The following PARP15 variants were observed in gnomAD, a reference collection of about 807,000 sequenced individuals.
The protein encoded by PARP15 is poly(ADP-ribose) polymerase family member 15, also known as protein mono-ADP-ribosyltransferase PARP15.
In PARP15, 50 loss-of-function variants were observed where a neutral mutation model predicts 62.1. The ratio of observed to expected loss-of-function variants is 0.81; its 90% CI spans 0.64 to 1.02. The LOEUF is 1.02. Ranked by LOEUF, PARP15 falls within the 50% of genes least tolerant of loss-of-function variation. PARP15 has a pLI of 0.00. For missense variants in PARP15, 820 were observed against 826.5 expected, an observed-to-expected ratio of 0.99 and a Z score of 0.10; for synonymous variants, 309 against 293.1, an observed-to-expected ratio of 1.05 and a Z score of -0.55.
intron 1 of PARP15, among the ~76,000 whole-genome samples, chr3:122,593,367 C>T (rs946957343): frequency 3.3e-5 from 5 of 152,106 alleles, no homozygotes; most frequent in African/African-American, 1.2e-4. Context: ...GTCTCGAATT[C>T]CTGATCTCAA....
Position 122,579,999 on chromosome 3 carries a change from G to GTATATATGTATATATATA in PARP15, c.186+2153_186+2154insGTATATATATATATATAT, listed in dbSNP as rs1553725410. On this transcript the variant is annotated intron_variant, in intron 1 of 11. Transcript: ENST00000464300. The stretch of plus-strand genomic sequence containing the variant: ...GTCTGAACAACAACAGCAACTATAT[G>GTATATATGTATATATATA]TATATATATATATATATATATATAT... Among the ~76,000 whole-genome samples the GTATATATGTATATATATA allele has an allele frequency of 4.2e-4, 27 of 64,454 alleles. 1 individual carries two copies. Among genetic ancestry groups the GTATATATGTATATATATA allele is most frequent in the South Asian group, 1.2e-3 (2 of 1,614 alleles). The allele number at this position is 64,454 out of a possible 152,430, so 42.3% of individuals were successfully genotyped here.
At chr3:122,592,138 T>C (rs1198154638) in intron 1 of PARP15, among the ~76,000 whole-genome samples, 4 of 152,208 alleles carry the variant, frequency 2.6e-5, no homozygotes, top group Non-Finnish European at 5.9e-5. Context: ...GATACATGCA[T>C]ACATATGTTC....
At chr3:122,623,352 G>A (rs1010984823) in intron 8 of PARP15, among the ~76,000 whole-genome samples, 8 of 152,184 alleles carry the variant, frequency 5.3e-5, no homozygotes, top group African/African-American at 1.9e-4. Flanking sequence ...TTTTGGAACA[G>A]ATGCAAGACA....
intron 1 of PARP15, among the ~76,000 whole-genome samples, chr3:122,583,550 G>A (rs1459230713): frequency 9.9e-5 from 15 of 152,142 alleles, no homozygotes; most frequent in African/African-American, 3.6e-4. Context: ...ATTTCACCTT[G>A]TTGAGTCCTG....
chr3:122,635,270 G>C, intron 11 of PARP15, 76 bp downstream of exon 11: 1 of 1,355,450 alleles, frequency 7.4e-7, no homozygotes, highest in South Asian at 1.4e-5. Flanking sequence ...AAGCAGTGTG[G>C]AACCATGGTG....
intron 2 of PARP15, among the ~76,000 whole-genome samples, chr3:122,608,586 T>G (rs1042005427): frequency 6.6e-6 from 1 of 152,172 alleles, no homozygotes; most frequent in Non-Finnish European, 1.5e-5. Flanking sequence ...CCTGACCCAA[T>G]TATAGCCATT....
chr3:122,608,589 T>C (rs774185576), intron 2 of PARP15, among the ~76,000 whole-genome samples: 2 of 152,136 alleles, frequency 1.3e-5, no homozygotes, highest in African/African-American at 4.8e-5. Context: ...GACCCAATTA[T>C]AGCCATTCTT....
intron 9 of PARP15, among the ~76,000 whole-genome samples, chr3:122,629,241 C>A (rs571967690): frequency 2.0e-5 from 3 of 152,310 alleles, no homozygotes; most frequent in Admixed American, 2.0e-4. Context: ...TGGCTCACTG[C>A]AACCGCTGCC....
At chr3:122,624,332 T>C (rs114740530) in intron 8 of PARP15, among the ~76,000 whole-genome samples, 2,563 of 152,314 alleles carry the variant, frequency 0.017, 69 homozygotes, top group African/African-American at 0.059. Flanking sequence ...TCAAAGCTCA[T>C]GTATTCCTCA....
intron 3 of PARP15, 27 bp downstream of exon 3, chr3:122,610,757 G>A (rs373649664): frequency 1.4e-5 from 21 of 1,466,378 alleles, no homozygotes; most frequent in Middle Eastern, 1.8e-4. Flanking sequence ...GTTCTCCAAC[G>A]TATTGGGTGG....
intron 9 of PARP15, among the ~76,000 whole-genome samples, chr3:122,629,760 G>T (rs147957338): frequency 0.029 from 4,341 of 152,254 alleles, 95 homozygotes; most frequent in Non-Finnish European, 0.046. Flanking sequence ...ATCTGGGGGT[G>T]ATGGGAGACA....
rs1358466427 is a variant in PARP15, at chr3:122,615,450, T to G, written c.772-329T>G. On this transcript the variant is annotated intron_variant, in intron 4 of 11. Coordinates refer to ENST00000464300, the MANE Select transcript of PARP15 (RefSeq NM_001113523.3). ...CCTCAGCCTATTGGATGTAGGAGAT[T>G]AGAATTATGGGGCTTCAAAAGAGGA... The G allele has an allele frequency of 2.4e-6, 3 of 1,250,148 alleles. No individual in the cohort carries two copies. In the East Asian group the frequency reaches 1.4e-4, roughly 58 times the overall value. 77.4% of individuals were successfully genotyped at this position (1,250,148 alleles called of 1,614,324 possible).
At chr3:122,592,172 A>G (rs1365890705) in intron 1 of PARP15, among the ~76,000 whole-genome samples, 7 of 152,244 alleles carry the variant, frequency 4.6e-5, no homozygotes, top group Non-Finnish European at 1.0e-4. Context: ...TCACAATAGC[A>G]AAGACATGGA....
Position 122,610,628 on chromosome 3 carries a change from A to G in PARP15, c.441A>G (p.Lys147=), listed in dbSNP as rs1559959984. ...LDDRRRETEE[K]VGNIFMTSGC... is the part of the protein sequence containing the mutation. ...ACAGAAGGCGGGAAACAGAGGAAAA[A>G]GTAGGTAACATATTCATGACAAGCG... Residue 147 remains lysine (K), a synonymous_variant, in exon 3 of 12, where the codon AAA becomes AAG. Coordinates refer to ENST00000464300, the MANE Select transcript of PARP15 (RefSeq NM_001113523.3). 2 of 1,551,750 alleles carry G rather than the reference A, an allele frequency of 1.3e-6. No homozygotes were observed. The highest frequency in any genetic ancestry group is 2.4e-5 in the East Asian group (1 of 40,924).
At chr3:122,580,005 A>ATATATATATATATATATATATATG (rs2080768708) in intron 1 of PARP15, among the ~76,000 whole-genome samples, 1 of 82,188 alleles carries the variant, frequency 1.2e-5, no homozygotes, top group African/African-American at 4.1e-5. Context: ...ATATGTATAT[A>ATATATATATATATATATATATATG]TATATATATA....
chr3:122,629,299 A>G (rs1936920821), intron 9 of PARP15, among the ~76,000 whole-genome samples: 2 of 152,114 alleles, frequency 1.3e-5, no homozygotes, highest in South Asian at 4.2e-4. Flanking sequence ...AGTAGCTGAG[A>G]TTACAGGCAT....
Position 122,613,186 on chromosome 3 carries a change from A to G in PARP15, c.689A>G (p.Tyr230Cys). The G allele has an allele frequency of 5.8e-6, 9 of 1,551,870 alleles. No homozygotes were observed. The highest frequency in any genetic ancestry group is 7.8e-6 in the Non-Finnish European group (9 of 1,146,990). The change falls in exon 4 of 12, where the codon TAC becomes TGC. Residue 230 changes from tyrosine (Y) to cysteine (C), a missense_variant. Transcript: ENST00000464300. The part of the protein sequence containing the change: ...AKLILSEVFE[Y>C]SSSTRPITSP... Reference sequence around the variant, plus strand: ...CTAATCCTTTCAGAAGTGTTCGAATACAGTAGCAGCACAAGGCCGATAACT... The same window carrying G: ...CTAATCCTTTCAGAAGTGTTCGAATGCAGTAGCAGCACAAGGCCGATAACT...
intron 2 of PARP15, among the ~76,000 whole-genome samples, chr3:122,609,477 C>T (rs1200835888): frequency 6.6e-6 from 1 of 152,068 alleles, no homozygotes; most frequent in African/African-American, 2.4e-5. Flanking sequence ...GTGGGCAGGT[C>T]ACTTGAGATC....
chr3:122,578,433 C>G (rs1335705310), intron 1 of PARP15, among the ~76,000 whole-genome samples: 1 of 151,966 alleles, frequency 6.6e-6, no homozygotes, highest in Non-Finnish European at 1.5e-5. Flanking sequence ...AGGAGTGAAT[C>G]TAATTATTTT....
Sources: gnomAD v4.1 joint callset for allele counts (sites outside exome capture counted in the v4.1 genomes callset) on GRCh38, gnomAD v4.1.1 for gene constraint, MANE v1.5 for transcripts, NCBI Gene and HGNC (gene_info 2026-07-23, HGNC 2026-07-21) for gene names.